The following CASZ1 variants were observed in gnomAD, a reference collection of about 807,000 sequenced individuals.
The protein encoded by CASZ1 is castor zinc finger 1.
A neutral mutation model predicts 135.2 loss-of-function variants in CASZ1; 28 were observed. That is an observed-to-expected ratio of 0.21 (90% CI 0.15 to 0.28). The LOEUF is 0.28. CASZ1 is among the 10% of genes least tolerant of loss of function. The pLI, the probability that CASZ1 is intolerant of heterozygous loss-of-function variation, is 1.00. For missense variants in CASZ1, 2,161 were observed against 2,453.3 expected (o/e 0.88, Z 2.52); for synonymous variants, 1,068 against 1,073.4 (o/e 0.99, Z 0.10).
Position 10,654,462 on chromosome 1 carries a change from C to T in CASZ1, c.1795G>A (p.Asp599Asn), listed in dbSNP as rs201455408. 4.0e-5 allele frequency: 64 copies of T among 1,614,190 alleles called. No individual in the cohort carries two copies. Among genetic ancestry groups the T allele is most frequent in the Non-Finnish European group, 5.2e-5 (61 of 1,180,026 alleles). ...GTCTTCTGTCCGTAGAACTGGCAGTCGGCTGTGCCACAGTCTTCGGTGGCT... is the reference window on the plus strand; with the variant it reads ...GTCTTCTGTCCGTAGAACTGGCAGTTGGCTGTGCCACAGTCTTCGGTGGCT... ...FRATEDCGTA[D>N]CQFYGQKTTH... The change falls in exon 10 of 21, where the codon GAC becomes AAC. Residue 599 changes from aspartate (D) to asparagine (N), a missense_variant. Physicochemically the swap from Asp to Asn is conservative, Grantham distance 23 (BLOSUM62 1). Coordinates refer to ENST00000377022, the MANE Select transcript of CASZ1 (RefSeq NM_001079843.3).
chr1:10,648,282 C>G, intron 15 of CASZ1, 143 bp from the exon 16 acceptor site: 1 of 623,734 alleles, frequency 1.6e-6, no homozygotes, highest in South Asian at 2.2e-5. Context: ...CCCCTGTGAC[C>G]CCACCAGGAC....
At position 10,665,327 on chromosome 1, in the gene CASZ1, C is replaced by T. The variant is rs749404239; in HGVS notation, c.261G>A (p.Val87=). 90 of 1,612,340 alleles carry T rather than the reference C, an allele frequency of 5.6e-5. No homozygotes were observed. The highest frequency in any genetic ancestry group is 7.0e-5 in the Non-Finnish European group (83 of 1,178,924). The change falls in exon 5 of 21, where the codon GTG becomes GTA. Residue 87 remains valine (V), a synonymous_variant. Coordinates refer to ENST00000377022, the MANE Select transcript of CASZ1 (RefSeq NM_001079843.3). ...ACTCCCCGTTCACCCACTTCTCGAT[C>T]ACTGCCCGTCTCTTGTCTTCCTCGC... ...PRSEEDKRRA[V]IEKWVNGEYS...
chr1:10,658,713 G>A (rs1570428299), intron 6 of CASZ1, 137 bp from the exon 7 acceptor site: 1 of 718,804 alleles, frequency 1.4e-6, no homozygotes, highest in East Asian at 2.6e-5. Context: ...ACCCACGGTG[G>A]GACTGAGGAC....
chr1:10,643,217 C>T lies in CASZ1; in HGVS notation c.3963G>A (p.Ala1321=), dbSNP rs188045266. The T allele has an allele frequency of 3.8e-4, 609 of 1,612,766 alleles. No homozygotes were observed. The highest frequency in any genetic ancestry group is 4.6e-4 in the Non-Finnish European group (548 of 1,180,004). ...FLLKHQMTSH[A]RKHMRRMLGK... ...CCAGCATCCTCCGCATGTGCTTCCG[C>T]GCGTGGGAGGTCATCTGGTGCTTGA... is the stretch of plus-strand genomic sequence containing the variant. The change falls in exon 19 of 21, where the codon GCG becomes GCA. Residue 1321 remains alanine, a synonymous_variant. Transcript: ENST00000377022.
At chr1:10,641,096 T>G (rs1642187282) in intron 20 of CASZ1, among the ~76,000 whole-genome samples, 1 of 152,210 alleles carries the variant, frequency 6.6e-6, no homozygotes, top group Non-Finnish European at 1.5e-5. Flanking sequence ...CAGCAGTCAC[T>G]CTAGCCACCA....
chr1:10,743,348 A>G (rs1265377641), intron 2 of CASZ1, among the ~76,000 whole-genome samples: 1 of 151,332 alleles, frequency 6.6e-6, no homozygotes, highest in Non-Finnish European at 1.5e-5. Flanking sequence ...ACGGTCGGAG[A>G]AGGAGACTAC....
intron 2 of CASZ1, among the ~76,000 whole-genome samples, chr1:10,716,572 T>G (rs1014947430): frequency 1.3e-5 from 2 of 152,072 alleles, no homozygotes; most frequent in Admixed American, 6.5e-5. Flanking sequence ...GGGAAGGGGC[T>G]CCCCAAGCGA....
Position 10,709,748 on chromosome 1 carries a change from A to G in CASZ1, c.-76-4204T>C, listed in dbSNP as rs908101551. 6.6e-6 allele frequency among the ~76,000 whole-genome samples: 1 copy of G among 152,194 alleles called. No individual in the cohort carries two copies. On this transcript the variant is annotated intron_variant, in intron 2 of 20. Coordinates refer to ENST00000377022, the MANE Select transcript of CASZ1 (RefSeq NM_001079843.3). The surrounding 1 kb of genome is among the most constrained non-coding windows in gnomAD (Gnocchi z 5.1). ...TGAGCAGTGCCCCGGGCAGTGCCGC[A>G]GGGGGATGCGCACCAGGGGGATCCC...
chr1:10,657,812 G>T lies in CASZ1; in HGVS notation c.1409+696C>A, dbSNP rs1298888552. On this transcript the variant is annotated intron_variant, in intron 7 of 20. Coordinates refer to ENST00000377022, the MANE Select transcript of CASZ1 (RefSeq NM_001079843.3). This position sits in a 1 kb window ranked among gnomAD's most constrained non-coding sequence, Gnocchi z 5.7. Reference sequence around the variant, plus strand: ...AGGCGGTGGGGGGGTGGGGGCGGGGGGTGTTATTTGTGTGATTTGGGGGAA... The same window carrying T: ...AGGCGGTGGGGGGGTGGGGGCGGGGTGTGTTATTTGTGTGATTTGGGGGAA... Among the ~76,000 whole-genome samples the T allele has an allele frequency of 6.7e-6, 1 of 150,162 alleles. No homozygotes were observed. Among genetic ancestry groups the T allele is most frequent in the African/African-American group, 2.5e-5 (1 of 40,674 alleles).
In CASZ1 at chr1:10,717,267, C is replaced by T. The variant is rs1167705868; in HGVS notation, c.-76-11723G>A. On this transcript the variant is annotated intron_variant, in intron 2 of 20. Transcript: ENST00000377022. This position sits in a 1 kb window ranked among gnomAD's most constrained non-coding sequence, Gnocchi z 4.6. ...GTTCCCACGGAACCCACTCACCCCACCCCCAGCCTCTGCAGCTCCCCAGTT... is the reference window on the plus strand; with the variant it reads ...GTTCCCACGGAACCCACTCACCCCATCCCCAGCCTCTGCAGCTCCCCAGTT... Among the ~76,000 whole-genome samples, 1 of 152,228 alleles carries T rather than the reference C, an allele frequency of 6.6e-6. No individual in the cohort carries two copies. The highest frequency in any genetic ancestry group is 1.5e-5 in the Non-Finnish European group (1 of 68,034).
At chr1:10,705,299 T>C (rs1380461830) in intron 3 of CASZ1, among the ~76,000 whole-genome samples, 193 bp downstream of exon 3, 2 of 152,176 alleles carry the variant, frequency 1.3e-5, no homozygotes, top group Non-Finnish European at 2.9e-5. Flanking sequence ...ACCGAGGGGA[T>C]CCTACTGGCG....
chr1:10,760,452 A>G, intron 2 of CASZ1, among the ~76,000 whole-genome samples: 1 of 152,252 alleles, frequency 6.6e-6, no homozygotes, highest in East Asian at 1.9e-4. Flanking sequence ...ACCGAGATCC[A>G]GAGAGTAAGT....
rs879614939 is a variant in CASZ1, at chr1:10,701,804, G to A, written c.-24+3688C>T. Reference sequence around the variant, plus strand: ...CCTAGGACCAGGCAGCTGACGGGGGGCTGGCTTTCCTGCCTCCTGCTGAAC... The same window carrying A: ...CCTAGGACCAGGCAGCTGACGGGGGACTGGCTTTCCTGCCTCCTGCTGAAC... On this transcript the variant is annotated intron_variant, in intron 3 of 20. Coordinates refer to ENST00000377022, the MANE Select transcript of CASZ1 (RefSeq NM_001079843.3). This position sits in a 1 kb window ranked among gnomAD's most constrained non-coding sequence, Gnocchi z 6.3. 1.3e-5 allele frequency among the ~76,000 whole-genome samples: 2 copies of A among 152,170 alleles called. No individual in the cohort carries two copies. The highest frequency in any genetic ancestry group is 2.9e-5 in the Non-Finnish European group (2 of 68,028).
rs1557516217 is a variant in CASZ1 at position 10,697,934 on chromosome 1, T to C, written c.-23-4022A>G. 6.6e-6 allele frequency among the ~76,000 whole-genome samples: 1 copy of C among 152,122 alleles called. No individual in the cohort carries two copies. Among genetic ancestry groups the C allele is most frequent in the Non-Finnish European group, 1.5e-5 (1 of 68,022 alleles). On this transcript the variant is annotated intron_variant, in intron 3 of 20. Coordinates refer to ENST00000377022, the MANE Select transcript of CASZ1 (RefSeq NM_001079843.3). The surrounding 1 kb of genome is among the most constrained non-coding windows in gnomAD (Gnocchi z 4.7). ...GATGGAGGGAGGGTGTCGGGAAAGC[T>C]GTGAGCCAGCGAAGTGGACGGGAAG...
chr1:10,706,237 C>A lies in CASZ1; in HGVS notation c.-76-693G>T, dbSNP rs546984874. Among the ~76,000 whole-genome samples the A allele has an allele frequency of 3.9e-5, 6 of 152,312 alleles. No individual in the cohort carries two copies. The South Asian group carries it at 1.0e-3, about 26-fold the overall frequency. The stretch of plus-strand genomic sequence containing the variant: ...TTAACCAACACGCGGCCTGGCCCAG[C>A]GTGCCAGGCTGGGGCCCTCCTGCCC... On this transcript the variant is annotated intron_variant, in intron 2 of 20. Transcript: ENST00000377022. This position sits in a 1 kb window ranked among gnomAD's most constrained non-coding sequence, Gnocchi z 4.3.
In CASZ1 at chr1:10,721,736, C is replaced by G. The variant is rs1639500787; in HGVS notation, c.-76-16192G>C. Among the ~76,000 whole-genome samples the G allele has an allele frequency of 6.6e-6, 1 of 152,228 alleles. No individual in the cohort carries two copies. The highest frequency in any genetic ancestry group is 1.5e-5 in the Non-Finnish European group (1 of 68,040). On this transcript the variant is annotated intron_variant, in intron 2 of 20. Coordinates refer to ENST00000377022, the MANE Select transcript of CASZ1 (RefSeq NM_001079843.3). The surrounding 1 kb of genome is among the most constrained non-coding windows in gnomAD (Gnocchi z 5.4). ...CAAACCAGGAAGTGGACGGCCCCAG[C>G]CTCTATCGGATCTGGCAGGCCTGGG...
In CASZ1 at chr1:10,774,884, T is replaced by A. The variant is rs1640636006; in HGVS notation, c.-233-14027A>T. 6.6e-6 allele frequency among the ~76,000 whole-genome samples: 1 copy of A among 152,088 alleles called. No individual in the cohort carries two copies. Among genetic ancestry groups the A allele is most frequent in the Admixed American group, 6.5e-5 (1 of 15,272 alleles). On this transcript the variant is annotated intron_variant, in intron 1 of 20. Coordinates refer to ENST00000377022, the MANE Select transcript of CASZ1 (RefSeq NM_001079843.3). This position sits in a 1 kb window ranked among gnomAD's most constrained non-coding sequence, Gnocchi z 4.4. ...TCCCCACGTGTCTCCTGCAACCATC[T>A]CTGTTCCAGCTTCTCTTCCAGACTC...
Position 10,679,176 on chromosome 1 carries a change from C to T in CASZ1, c.17-13605G>A, listed in dbSNP as rs1023766876. ...ACTGCAGGGCTGGCACAGAGCTCTC[C>T]GCCAGGGCCTGCTGCTTTTGATGAA... is the stretch of plus-strand genomic sequence containing the variant. On this transcript the variant is annotated intron_variant, in intron 4 of 20. Coordinates refer to ENST00000377022, the MANE Select transcript of CASZ1 (RefSeq NM_001079843.3). The surrounding 1 kb of genome is among the most constrained non-coding windows in gnomAD (Gnocchi z 4.7). Among the ~76,000 whole-genome samples, 13 of 152,354 alleles carry T rather than the reference C, an allele frequency of 8.5e-5. No individual in the cohort carries two copies. The highest frequency in any genetic ancestry group is 3.9e-4 in the East Asian group (2 of 5,188).
In CASZ1 at chr1:10,707,524, T is replaced by C. The variant is rs1355095811; in HGVS notation, c.-76-1980A>G. On this transcript the variant is annotated intron_variant, in intron 2 of 20. Transcript: ENST00000377022. The surrounding 1 kb of genome is among the most constrained non-coding windows in gnomAD (Gnocchi z 5.0). ...ATCAGGGAGGAAACTTTCCAGGAGT[T>C]GGTCGGGGGTGGAGGAGGGAGGGGA... is the stretch of plus-strand genomic sequence containing the variant. 6.6e-6 allele frequency among the ~76,000 whole-genome samples: 1 copy of C among 151,448 alleles called. No homozygotes were observed. Among genetic ancestry groups the C allele is most frequent in the Non-Finnish European group, 1.5e-5 (1 of 67,870 alleles).
Sources: allele counts gnomAD v4.1 joint callset (sites outside exome capture counted in the v4.1 genomes callset), GRCh38; gene constraint gnomAD v4.1.1; non-coding constraint Gnocchi (gnomAD v3.1); transcripts MANE v1.5; gene names NCBI Gene and HGNC (gene_info 2026-07-23, HGNC 2026-07-21).